The following SERPINE2 variants were observed in gnomAD, a reference collection of about 807,000 sequenced individuals.
The protein encoded by SERPINE2 is glia-derived nexin.
SERPINE2 carries 14 observed loss-of-function variants against 36.3 expected under a neutral mutation model. The observed-to-expected ratio is 0.39, with a 90% confidence interval of 0.25 to 0.60. SERPINE2 has a LOEUF of 0.60. SERPINE2 is among the 20% of genes least tolerant of loss of function. The pLI, the probability that SERPINE2 is intolerant of heterozygous loss-of-function variation, is 0.57. For missense variants in SERPINE2, 418 were observed against 499.6 expected (o/e 0.84, Z 1.56); for synonymous variants, 192 against 191.8 (o/e 1.00, Z -0.01).
At chr2:224,014,952 G>T (rs1021504064) in intron 1 of SERPINE2, among the ~76,000 whole-genome samples, 1 of 152,142 alleles carries the variant, frequency 6.6e-6, no homozygotes, top group Admixed American at 6.5e-5. Flanking sequence ...TGACTCTGTC[G>T]CTCAGGGAGC....
chr2:223,976,877 T>C (rs1574804193), intron 8 of SERPINE2, among the ~76,000 whole-genome samples: 1 of 152,338 alleles, frequency 6.6e-6, no homozygotes, highest in Non-Finnish European at 1.5e-5. Flanking sequence ...TTGCCTCGAA[T>C]TGTTAATAAT....
intron 4 of SERPINE2, among the ~76,000 whole-genome samples, chr2:223,990,218 AAAG>A (rs1559199241): frequency 6.6e-6 from 1 of 152,198 alleles, no homozygotes; most frequent in Non-Finnish European, 1.5e-5. Context: ...GGAAGCGGGT[AAAG>A]AAGAGAGGCA....
intron 1 of SERPINE2, among the ~76,000 whole-genome samples, chr2:224,032,400 G>A (rs1692408216): frequency 6.6e-6 from 1 of 152,126 alleles, no homozygotes; most frequent in African/African-American, 2.4e-5. Context: ...CTACATGGAG[G>A]GCGAAAGTTG....
At chr2:224,024,213 T>A (rs1353400739) in intron 1 of SERPINE2, among the ~76,000 whole-genome samples, 2 of 152,218 alleles carry the variant, frequency 1.3e-5, no homozygotes, top group Non-Finnish European at 2.9e-5. Context: ...TCCAACTCTT[T>A]GCGCCTTTTG....
In SERPINE2 at chr2:224,002,658, AT is replaced by A. The variant is rs11418943; in HGVS notation, c.-22-737del. On this transcript the variant is annotated intron_variant, in intron 1 of 8. Transcript: ENST00000409304. ...CAAGTGTGCGCCAACTCGTCTGGCAATTTTTTTTTTTTTTTTTTTTTTAGTA... is the reference window on the plus strand; with the variant it reads ...CAAGTGTGCGCCAACTCGTCTGGCAATTTTTTTTTTTTTTTTTTTTTAGTA... 3.6e-3 allele frequency among the ~76,000 whole-genome samples: 417 copies of A among 116,514 alleles called. 3 individuals carry two copies. The Middle Eastern group carries it at 0.039, about 11-fold the overall frequency. 76.4% of individuals were successfully genotyped at this position (116,514 alleles called of 152,430 possible).
At chr2:224,000,581 C>T (rs1390473826) in intron 2 of SERPINE2, among the ~76,000 whole-genome samples, 1 of 152,126 alleles carries the variant, frequency 6.6e-6, no homozygotes, top group Non-Finnish European at 1.5e-5. Context: ...AGGTTTATTA[C>T]ATAGGTACAC....
At chr2:224,009,194 C>T (rs564511987) in intron 1 of SERPINE2, among the ~76,000 whole-genome samples, 5 of 152,218 alleles carry the variant, frequency 3.3e-5, no homozygotes, top group Non-Finnish European at 7.4e-5. Context: ...CTCCCCTCCC[C>T]GCCCCTCAGT....
rs113326742 is a variant in SERPINE2 at position 224,033,043 on chromosome 2, A to G, written c.-23+6056T>C. 6.5e-3 allele frequency among the ~76,000 whole-genome samples: 990 copies of G among 152,330 alleles called. 10 individuals are homozygous for G. The highest frequency in any genetic ancestry group is 0.022 in the African/African-American group (931 of 41,566). ...CATACTAATCTCTCAGTATTCTTAA[A>G]TTGGGAACTTGCAGACAAGAGATAA... On this transcript the variant is annotated intron_variant, in intron 1 of 8. Transcript: ENST00000409304.
chr2:224,023,935 G>A (rs1692095366), intron 1 of SERPINE2, among the ~76,000 whole-genome samples: 1 of 152,164 alleles, frequency 6.6e-6, no homozygotes, highest in African/African-American at 2.4e-5. Flanking sequence ...ATCCTTCAGT[G>A]TAACTTTTTG....
intron 3 of SERPINE2, among the ~76,000 whole-genome samples, chr2:223,994,594 C>A (rs1291478266): frequency 6.6e-6 from 1 of 152,140 alleles, no homozygotes; most frequent in Non-Finnish European, 1.5e-5. Flanking sequence ...GAGAGAGGTG[C>A]AGGCTGACAT....
chr2:223,995,144 A>G (rs906698357), intron 3 of SERPINE2, among the ~76,000 whole-genome samples: 1 of 152,198 alleles, frequency 6.6e-6, no homozygotes, highest in African/African-American at 2.4e-5. Context: ...TGGCTGGAAC[A>G]TAGAGTACAA....
intron 2 of SERPINE2, 152 bp downstream of exon 2, chr2:224,001,488 TAG>T (rs1691157549): frequency 1.3e-6 from 1 of 756,968 alleles, no homozygotes; most frequent in Non-Finnish European, 2.0e-6. Flanking sequence ...GTTTGTTCTT[TAG>T]AAGAGACTGA....
chr2:224,033,706 C>T (rs964549522), intron 1 of SERPINE2, among the ~76,000 whole-genome samples: 13 of 149,450 alleles, frequency 8.7e-5, no homozygotes, highest in African/African-American at 3.2e-4. Flanking sequence ...ATCACCATCA[C>T]CAAAGTTAAT....
intron 1 of SERPINE2, among the ~76,000 whole-genome samples, chr2:224,018,736 C>T (rs2106188555): frequency 6.6e-6 from 1 of 152,304 alleles, no homozygotes; most frequent in South Asian, 2.1e-4. Flanking sequence ...CTAAGTGACA[C>T]CACCAACTGT....
At chr2:224,026,244 TG>T (rs372375366) in intron 1 of SERPINE2, among the ~76,000 whole-genome samples, 61 of 152,350 alleles carry the variant, frequency 4.0e-4, no homozygotes, top group African/African-American at 1.3e-3. Context: ...TTTATACAAG[TG>T]GAAAATAATC....
intron 1 of SERPINE2, among the ~76,000 whole-genome samples, chr2:224,025,137 GA>G (rs1210308941): frequency 1.3e-5 from 2 of 151,840 alleles, no homozygotes; most frequent in Non-Finnish European, 2.9e-5. Flanking sequence ...ACATCACACA[GA>G]AAAAAAAGAG....
chr2:224,034,673 A>C (rs1015157255), intron 1 of SERPINE2, among the ~76,000 whole-genome samples: 3 of 152,140 alleles, frequency 2.0e-5, no homozygotes, highest in African/African-American at 7.2e-5. Context: ...ACCACATGTA[A>C]AACAAGGTTC....
intron 5 of SERPINE2, 110 bp from the exon 6 acceptor site, chr2:223,982,891 C>T (rs1486251345): frequency 5.8e-6 from 4 of 686,212 alleles, no homozygotes; most frequent in African/African-American, 3.7e-5. Context: ...ATCTGAATAC[C>T]GATCTGAATT....
intron 5 of SERPINE2, 96 bp downstream of exon 5, chr2:223,984,656 T>C: frequency 9.0e-7 from 1 of 1,113,500 alleles, no homozygotes. Context: ...GGCTTCATGA[T>C]GTGCCATATT....
Sources: gnomAD v4.1 joint callset for allele counts (sites outside exome capture counted in the v4.1 genomes callset) on GRCh38, gnomAD v4.1.1 for gene constraint, MANE v1.5 for transcripts, NCBI Gene and HGNC (gene_info 2026-07-23, HGNC 2026-07-21) for gene names.